The following HNRNPC variants were observed in gnomAD, a reference collection of about 807,000 sequenced individuals.
The protein encoded by HNRNPC is heterogeneous nuclear ribonucleoproteins C1/C2.
In HNRNPC, 3 loss-of-function variants were observed where a neutral mutation model predicts 33.2. That is an observed-to-expected ratio of 0.09 (90% CI 0.04 to 0.23). The LOEUF (loss-of-function observed/expected upper bound fraction) is 0.23. HNRNPC is among the 10% of genes least tolerant of loss of function. The pLI, the probability that HNRNPC is intolerant of heterozygous loss-of-function variation, is 1.00. For synonymous variants in HNRNPC, 121 were observed against 126.7 expected, an observed-to-expected ratio of 0.96 and a Z score of 0.30; for missense variants, 143 against 366.7, an observed-to-expected ratio of 0.39 and a Z score of 4.98.
intron 1 of HNRNPC, among the ~76,000 whole-genome samples, chr14:21,266,559 T>C (rs1467874267): frequency 1.3e-5 from 2 of 151,428 alleles, no homozygotes; most frequent in Admixed American, 1.3e-4. Context: ...TCCTTTTATG[T>C]TAATAAACTC....
intron 2 of HNRNPC, among the ~76,000 whole-genome samples, chr14:21,256,876 A>T (rs2138981872): frequency 6.6e-6 from 1 of 152,036 alleles, no homozygotes; most frequent in Non-Finnish European, 1.5e-5. Context: ...CCGGTCTCAA[A>T]CCCCTGAGCT....
intron 2 of HNRNPC, among the ~76,000 whole-genome samples, chr14:21,238,451 C>A (rs929101900): frequency 1.3e-5 from 2 of 152,170 alleles, no homozygotes; most frequent in African/African-American, 2.4e-5. Context: ...TTAATCTTTA[C>A]AATCATTTTC....
At chr14:21,217,026 T>TA (rs1892265164) in intron 5 of HNRNPC, among the ~76,000 whole-genome samples, 1 of 152,242 alleles carries the variant, frequency 6.6e-6, no homozygotes, top group African/African-American at 2.4e-5. Context: ...GTTTTGAATC[T>TA]ATGTTAACAG....
intron 2 of HNRNPC, among the ~76,000 whole-genome samples, chr14:21,239,568 A>G (rs1032722571): frequency 3.3e-5 from 5 of 151,994 alleles, no homozygotes; most frequent in Admixed American, 3.3e-4. Flanking sequence ...CATGAAAAGG[A>G]TAGACTTTAA....
At position 21,209,800 on chromosome 14, in the gene HNRNPC, G is replaced by A. The variant is rs2139428533; in HGVS notation, c.*1423C>T. On this transcript the variant is annotated 3_prime_UTR_variant, in exon 9 of 9. Coordinates refer to ENST00000553300, the MANE Select transcript of HNRNPC (RefSeq NM_004500.4). ...ATAAGCGGCATTTTCTGCTATGCTG[G>A]AAAAACTGAAGTATAAAACACAAAT... 6.6e-6 allele frequency: 1 copy of A among 152,310 alleles called. No individual in the cohort carries two copies. The highest frequency in any genetic ancestry group is 2.1e-4 in the South Asian group (1 of 4,826). 9.4% of individuals were successfully genotyped at this position (152,310 alleles called of 1,614,324 possible).
At chr14:21,259,879 C>T (rs1877879622) in intron 2 of HNRNPC, among the ~76,000 whole-genome samples, 1 of 49,294 alleles carries the variant, frequency 2.0e-5, no homozygotes. Flanking sequence ...GACCTGTCTC[C>T]ACCAAAAAAA....
rs189748664 is a variant in HNRNPC at position 21,231,166 on chromosome 14, G to A, written c.242-94C>T. 4.7e-4 allele frequency: 593 copies of A among 1,255,520 alleles called. 1 individual carries two copies. The highest frequency in any genetic ancestry group is 2.1e-3 in the Middle Eastern group (10 of 4,854). The allele number at this position is 1,255,520 out of a possible 1,614,324, so 77.8% of individuals were successfully genotyped here. On this transcript the variant is annotated intron_variant, in intron 3 of 8. Transcript: ENST00000553300. ...TTTTTTATTTTTGAGACATAGTTTC[G>A]CTTTCTCGCTCAGGCTGGAGTGCAG...
At chr14:21,225,605 G>A (rs989232035) in intron 5 of HNRNPC, among the ~76,000 whole-genome samples, 10 of 152,102 alleles carry the variant, frequency 6.6e-5, no homozygotes, top group African/African-American at 2.4e-4. Context: ...GGTAGCACCA[G>A]ACGGGTTTCA....
intron 5 of HNRNPC, among the ~76,000 whole-genome samples, chr14:21,228,562 TTG>T (rs1893735490): frequency 6.6e-6 from 1 of 151,974 alleles, no homozygotes; most frequent in African/African-American, 2.4e-5. Flanking sequence ...CAGCTAATTT[TTG>T]TATTTTTTTA....
rs1388288438 is a variant in HNRNPC at position 21,233,936 on chromosome 14, T to A, written c.241+17A>T. Reference sequence around the variant, plus strand: ...ACTCAGGCCTGAATTACATCATCAATGAAAAAATTCACTTACCTAAAACCT... The same window carrying A: ...ACTCAGGCCTGAATTACATCATCAAAGAAAAAATTCACTTACCTAAAACCT... On this transcript the variant is annotated intron_variant, in intron 3 of 8. Transcript: ENST00000553300. The A allele has an allele frequency of 6.2e-7, 1 of 1,608,756 alleles. No homozygotes were observed. Among genetic ancestry groups the A allele is most frequent in the East Asian group, 2.2e-5 (1 of 44,842 alleles).
chr14:21,233,626 A>T (rs548472653), intron 3 of HNRNPC, among the ~76,000 whole-genome samples: 9 of 152,296 alleles, frequency 5.9e-5, no homozygotes, highest in Non-Finnish European at 1.0e-4. Flanking sequence ...GGAGACAAGC[A>T]ATCAACACTA....
chr14:21,243,337 CTT>C (rs879637455), intron 2 of HNRNPC, among the ~76,000 whole-genome samples: 56 of 152,310 alleles, frequency 3.7e-4, no homozygotes, highest in African/African-American at 1.2e-3. Flanking sequence ...TGTCAACAAA[CTT>C]TGAAATCATT....
rs1162686888 is a variant in HNRNPC at position 21,230,901 on chromosome 14, AAAGAG to A, written c.317+91_317+95del. On this transcript the variant is annotated intron_variant, in intron 4 of 8. Transcript: ENST00000553300. Reference sequence around the variant, plus strand: ...AAACCTCCCCACACCCAGAAAACAGAAAGAGAAGATGCCCACTGATGGACACAATG... The same window carrying A: ...AAACCTCCCCACACCCAGAAAACAGAAAGATGCCCACTGATGGACACAATG... 1.2e-5 allele frequency: 17 copies of A among 1,393,630 alleles called. No individual in the cohort carries two copies. In the Admixed American group the frequency reaches 2.4e-4, roughly 19 times the overall value. The allele number at this position is 1,393,630 out of a possible 1,614,324, so 86.3% of individuals were successfully genotyped here.
intron 2 of HNRNPC, among the ~76,000 whole-genome samples, chr14:21,239,556 G>C (rs560404742): frequency 1.2e-3 from 182 of 151,990 alleles, no homozygotes; most frequent in African/African-American, 4.1e-3. Context: ...GAAAAGCTCT[G>C]TCATGAAAAG....
chr14:21,241,829 A>G (rs1337724835), intron 2 of HNRNPC, among the ~76,000 whole-genome samples: 2 of 152,258 alleles, frequency 1.3e-5, no homozygotes, highest in African/African-American at 4.8e-5. Flanking sequence ...CTGAGAAAAC[A>G]GTAATACCTG....
chr14:21,235,885 A>T (rs1894645269), intron 2 of HNRNPC, among the ~76,000 whole-genome samples: 1 of 152,170 alleles, frequency 6.6e-6, no homozygotes. Flanking sequence ...GGGGCTCCGT[A>T]AGCCAACACA....
intron 5 of HNRNPC, among the ~76,000 whole-genome samples, chr14:21,224,325 T>C (rs1218026152): frequency 2.0e-5 from 3 of 152,148 alleles, no homozygotes; most frequent in Non-Finnish European, 4.4e-5. Context: ...ATGGTTTCAT[T>C]TCAACTAATT....
intron 7 of HNRNPC, 117 bp downstream of exon 7, chr14:21,211,693 A>G: frequency 7.1e-7 from 1 of 1,403,202 alleles, no homozygotes; most frequent in Admixed American, 1.9e-5. Flanking sequence ...TTCCCAATTC[A>G]CACTCCCCAA....
chr14:21,266,339 T>C (rs1053974281), intron 1 of HNRNPC, among the ~76,000 whole-genome samples: 1 of 152,016 alleles, frequency 6.6e-6, no homozygotes, highest in East Asian at 1.9e-4. Flanking sequence ...GACCTCGTGA[T>C]CCACCCGCCT....
Sources: allele counts gnomAD v4.1 joint callset (sites outside exome capture counted in the v4.1 genomes callset), GRCh38; gene constraint gnomAD v4.1.1; transcripts MANE v1.5; gene names NCBI Gene and HGNC (gene_info 2026-07-23, HGNC 2026-07-21).